SPAG16: variants seen among roughly 807,000 people sequenced by gnomAD.
SPAG16 encodes the protein sperm-associated antigen 16 protein.
Under a neutral mutation model 80.4 loss-of-function variants are expected in SPAG16, and 86 were observed. That is an observed-to-expected ratio of 1.07 (90% confidence interval 0.90 to 1.28). SPAG16 has a LOEUF of 1.28. SPAG16 is among the 50% of genes most tolerant of loss of function. SPAG16 has a pLI of 0.00. For synonymous variants in SPAG16, 294 were observed against 265.9 expected, an observed-to-expected ratio of 1.11 and a Z score of -1.03; for missense variants, 870 against 765.3, an observed-to-expected ratio of 1.14 and a Z score of -1.61.
chr2:213,850,353 T>C (rs1345012641), intron 10 of SPAG16, among the ~76,000 whole-genome samples: 1 of 152,204 alleles, frequency 6.6e-6, no homozygotes, highest in Non-Finnish European at 1.5e-5. Context: ...ATTTGTTTAA[T>C]CCAAGTTTTA....
chr2:213,834,084 T>G (rs1434170604), intron 10 of SPAG16, among the ~76,000 whole-genome samples: 2 of 152,008 alleles, frequency 1.3e-5, no homozygotes, highest in Non-Finnish European at 2.9e-5. Flanking sequence ...CTATCAGGGG[T>G]TTCTGCTTTT....
intron 9 of SPAG16, among the ~76,000 whole-genome samples, chr2:213,469,275 G>A (rs976403038): frequency 6.6e-5 from 10 of 152,052 alleles, no homozygotes; most frequent in African/African-American, 1.9e-4. Context: ...ATCAGGAAAC[G>A]CACCAATCCC....
intron 11 of SPAG16, among the ~76,000 whole-genome samples, chr2:213,889,228 A>G (rs1291839825): frequency 6.6e-6 from 1 of 151,998 alleles, no homozygotes; most frequent in Non-Finnish European, 1.5e-5. Flanking sequence ...TTTTAACTTT[A>G]GATAGAAAGT....
At chr2:213,790,095 C>T (rs1415637027) in intron 10 of SPAG16, among the ~76,000 whole-genome samples, 1 of 151,920 alleles carries the variant, frequency 6.6e-6, no homozygotes, top group East Asian at 1.9e-4. Flanking sequence ...ACATCATCCA[C>T]TCCCTTGTTC....
chr2:214,121,034 C>T (rs1271249411), intron 14 of SPAG16, among the ~76,000 whole-genome samples: 4 of 151,726 alleles, frequency 2.6e-5, no homozygotes, highest in Non-Finnish European at 5.9e-5. Context: ...AAGTAGAACT[C>T]TCCGTCATAG....
chr2:213,395,273 A>G (rs1294445531), intron 9 of SPAG16, among the ~76,000 whole-genome samples: 2 of 151,712 alleles, frequency 1.3e-5, no homozygotes, highest in Non-Finnish European at 2.9e-5. Context: ...CTTTGGGTTT[A>G]TTATGTTCTT....
intron 15 of SPAG16, among the ~76,000 whole-genome samples, chr2:214,306,182 G>A (rs1221985800): frequency 6.6e-6 from 1 of 152,068 alleles, no homozygotes; most frequent in Non-Finnish European, 1.5e-5. Context: ...TTCTTTGACT[G>A]TTGTTGGTGT....
chr2:214,272,916 A>AATAG (rs1576647472), intron 15 of SPAG16, among the ~76,000 whole-genome samples: 1 of 151,738 alleles, frequency 6.6e-6, no homozygotes, highest in Admixed American at 6.6e-5. Flanking sequence ...CAACAGTGTA[A>AATAG]AAGTGTTCCT....
intron 11 of SPAG16, among the ~76,000 whole-genome samples, chr2:213,895,242 A>G (rs1156857411): frequency 3.3e-5 from 5 of 152,042 alleles, no homozygotes; most frequent in Admixed American, 6.6e-5. Flanking sequence ...AAAGACAACT[A>G]TAAAGCATTA....
intron 15 of SPAG16, among the ~76,000 whole-genome samples, chr2:214,321,890 T>G (rs1352217774): frequency 6.6e-6 from 1 of 152,230 alleles, no homozygotes; most frequent in Admixed American, 6.5e-5. Flanking sequence ...CTGTGTTTTG[T>G]TGAGAAAGCC....
At chr2:213,888,316 G>A (rs998365840) in intron 11 of SPAG16, among the ~76,000 whole-genome samples, 7 of 151,786 alleles carry the variant, frequency 4.6e-5, no homozygotes, top group Non-Finnish European at 7.4e-5. Flanking sequence ...ATAAGTTAGA[G>A]CATTCAGAGA....
In SPAG16 at chr2:214,410,253, T is replaced by C. The variant is rs760463201; in HGVS notation, c.1834T>C (p.Ser612Pro). The stretch of plus-strand genomic sequence containing the variant: ...AAACGAGGCACACACGGTTGTGTTT[T>C]CTCACGACGGGGAGATTCTCTTTTC... ...HENEAHTVVF[S>P]HDGEILFSGG... is the part of the protein sequence containing the mutation. Residue 612 changes from serine to proline, a missense_variant, in exon 16 of 16, where the codon TCT (serine) becomes CCT (proline). By Grantham distance (74) the Ser-to-Pro change is moderately conservative. Coordinates refer to ENST00000331683, the MANE Select transcript of SPAG16 (RefSeq NM_024532.5). The C allele has an allele frequency of 3.1e-6, 5 of 1,612,308 alleles. No individual in the cohort carries two copies. In the South Asian group the frequency reaches 5.5e-5, roughly 18 times the overall value.
chr2:213,760,214 T>C (rs2662653), intron 10 of SPAG16, among the ~76,000 whole-genome samples: 66,101 of 151,930 alleles, frequency 0.44, 14,750 homozygotes, highest in East Asian at 0.6. Flanking sequence ...TGCAAATAGA[T>C]TGAAGGTAGA....
chr2:214,066,809 T>TA (rs1305637779), intron 13 of SPAG16, among the ~76,000 whole-genome samples: 1 of 152,212 alleles, frequency 6.6e-6, no homozygotes, highest in Non-Finnish European at 1.5e-5. Context: ...ATGGATGTTT[T>TA]ACTGGAAAAG....
intron 9 of SPAG16, among the ~76,000 whole-genome samples, chr2:213,464,302 A>G (rs986032176): frequency 6.6e-6 from 1 of 152,178 alleles, no homozygotes; most frequent in Non-Finnish European, 1.5e-5. Context: ...GAGTCTCTTA[A>G]GAAAGTTTTC....
At chr2:214,371,457 G>A (rs946626682) in intron 15 of SPAG16, among the ~76,000 whole-genome samples, 2 of 150,044 alleles carry the variant, frequency 1.3e-5, no homozygotes, top group Admixed American at 6.6e-5. Context: ...ACTTGAACCC[G>A]GGAGGCAGAG....
intron 10 of SPAG16, among the ~76,000 whole-genome samples, chr2:213,532,931 A>G (rs567831258): frequency 6.6e-6 from 1 of 152,328 alleles, no homozygotes; most frequent in African/African-American, 2.4e-5. Context: ...TAACAATATT[A>G]AATACTTTAT....
intron 15 of SPAG16, among the ~76,000 whole-genome samples, chr2:214,323,904 CA>C (rs1331019226): frequency 6.6e-6 from 1 of 152,146 alleles, no homozygotes; most frequent in African/African-American, 2.4e-5. Context: ...AAGAAAGCTG[CA>C]TAAGAATAAT....
intron 10 of SPAG16, among the ~76,000 whole-genome samples, chr2:213,687,130 T>C (rs1044823568): frequency 8.5e-5 from 13 of 152,208 alleles, no homozygotes; most frequent in African/African-American, 3.1e-4. Flanking sequence ...GGTGGTTGTT[T>C]CTTGCTTCAA....
Sources: allele counts gnomAD v4.1 joint callset (sites outside exome capture counted in the v4.1 genomes callset), GRCh38; gene constraint gnomAD v4.1.1; transcripts MANE v1.5; gene names NCBI Gene and HGNC (gene_info 2026-07-23, HGNC 2026-07-21).